The following GPC6 variants were observed in gnomAD, a reference collection of about 807,000 sequenced individuals.
The protein encoded by GPC6 is glypican-6.
A neutral mutation model predicts 55.2 loss-of-function variants in GPC6; 14 were observed. The observed-to-expected ratio is 0.25, with a 90% CI of 0.17 to 0.40. The LOEUF (loss-of-function observed/expected upper bound fraction) is 0.40, where lower values mean the gene tolerates loss of function less well. Ranked by LOEUF, GPC6 falls within the 10% of genes least tolerant of loss-of-function variation. The pLI is 1.00. For missense variants in GPC6, 641 were observed against 708.5 expected (o/e 0.90, Z 1.08); for synonymous variants, 278 against 259.6 (o/e 1.07, Z -0.68).
chr13:93,734,381 C>T (rs1351948310), intron 2 of GPC6, among the ~76,000 whole-genome samples: 1 of 152,164 alleles, frequency 6.6e-6, no homozygotes. Context: ...CCACAGTAGA[C>T]ATGGTAGAAC....
chr13:93,644,716 G>T (rs1289492517), intron 2 of GPC6, among the ~76,000 whole-genome samples: 3 of 151,404 alleles, frequency 2.0e-5, no homozygotes, highest in African/African-American at 4.9e-5. Context: ...GGTGACTTAG[G>T]TTCTTTTTAC....
intron 3 of GPC6, among the ~76,000 whole-genome samples, chr13:93,935,707 C>T (rs1274327990): frequency 3.3e-5 from 5 of 152,156 alleles, no homozygotes; most frequent in Admixed American, 3.3e-4. Context: ...CTGAGGCAGA[C>T]TGTGAAGCAG....
chr13:93,434,345 C>T (rs1237677753), intron 1 of GPC6, among the ~76,000 whole-genome samples: 1 of 151,980 alleles, frequency 6.6e-6, no homozygotes, highest in Non-Finnish European at 1.5e-5. Flanking sequence ...TTGAGAGAAC[C>T]CAGATGATAA....
chr13:94,400,348 G>C (rs935822255), intron 8 of GPC6, among the ~76,000 whole-genome samples: 12 of 152,058 alleles, frequency 7.9e-5, no homozygotes, highest in Non-Finnish European at 1.8e-4. Flanking sequence ...AAAATCTCCT[G>C]TCATATTTGC....
chr13:93,838,415 T>A (rs1594508103), intron 3 of GPC6, among the ~76,000 whole-genome samples: 2 of 152,298 alleles, frequency 1.3e-5, no homozygotes, highest in Admixed American at 1.3e-4. Context: ...GGTATGGCTT[T>A]CTTGCCAAGG....
In GPC6 at chr13:94,385,620, T is replaced by A. The variant is rs564123930; in HGVS notation, c.1289+3070T>A. 6.0e-4 allele frequency among the ~76,000 whole-genome samples: 90 copies of A among 151,132 alleles called. No individual in the cohort carries two copies. The Middle Eastern group carries it at 0.01, about 17-fold the overall frequency. On this transcript the variant is annotated intron_variant, in intron 7 of 8. Transcript: ENST00000377047. ...CCATTGAACAATTACAATTCCATGG[T>A]TTCCTTTAGTTCTTTTTTTTAATTA...
At chr13:94,285,087 G>C (rs1456191913) in intron 4 of GPC6, among the ~76,000 whole-genome samples, 1 of 152,090 alleles carries the variant, frequency 6.6e-6, no homozygotes, top group Non-Finnish European at 1.5e-5. Flanking sequence ...AGCATATTCT[G>C]ACTGGTGATC....
At chr13:93,596,605 A>AT (rs1491575561) in intron 2 of GPC6, among the ~76,000 whole-genome samples, 217 of 52,290 alleles carry the variant, frequency 4.1e-3, no homozygotes, top group African/African-American at 0.019. Context: ...ATAAATAAAT[A>AT]AATAAATATA....
At chr13:93,391,783 T>A (rs939652679) in intron 1 of GPC6, among the ~76,000 whole-genome samples, 3 of 152,166 alleles carry the variant, frequency 2.0e-5, no homozygotes, top group African/African-American at 7.2e-5. Context: ...TGCTACAAGA[T>A]AGCATGTTTC....
At chr13:93,366,848 A>G (rs982409319) in intron 1 of GPC6, among the ~76,000 whole-genome samples, 1 of 152,060 alleles carries the variant, frequency 6.6e-6, no homozygotes, top group African/African-American at 2.4e-5. Flanking sequence ...TTTATTTGTA[A>G]TAAAATCAGG....
intron 2 of GPC6, among the ~76,000 whole-genome samples, chr13:93,778,549 G>A (rs1275705194): frequency 6.6e-6 from 1 of 152,180 alleles, no homozygotes; most frequent in Non-Finnish European, 1.5e-5. Context: ...TTTTGAGGTT[G>A]AGGTGACATC....
chr13:93,925,914 C>G (rs1234905265), intron 3 of GPC6, among the ~76,000 whole-genome samples: 1 of 152,202 alleles, frequency 6.6e-6, no homozygotes, highest in Non-Finnish European at 1.5e-5. Flanking sequence ...CATGTTTGTC[C>G]TCTCGGCTGT....
chr13:94,190,090 A>C (rs941471887), intron 4 of GPC6, among the ~76,000 whole-genome samples: 2 of 151,742 alleles, frequency 1.3e-5, no homozygotes, highest in African/African-American at 4.8e-5. Flanking sequence ...TTGGGAGGCC[A>C]AGGGGGGCAG....
chr13:93,976,597 G>T (rs1447546513), intron 3 of GPC6, among the ~76,000 whole-genome samples: 1 of 150,994 alleles, frequency 6.6e-6, no homozygotes, highest in African/African-American at 2.4e-5. Flanking sequence ...GCAGTCACTT[G>T]TCTGGGACAA....
At chr13:94,315,452 C>G (rs146847075) in intron 6 of GPC6, among the ~76,000 whole-genome samples, 1 of 152,290 alleles carries the variant, frequency 6.6e-6, no homozygotes, top group Non-Finnish European at 1.5e-5. Context: ...TCACCTGTCA[C>G]AATGGCAGGG....
intron 5 of GPC6, among the ~76,000 whole-genome samples, chr13:94,300,229 T>C (rs919811248): frequency 5.9e-5 from 9 of 152,090 alleles, no homozygotes; most frequent in African/African-American, 1.7e-4. Flanking sequence ...GTAGTGACTT[T>C]TTAAATGTAT....
intron 1 of GPC6, among the ~76,000 whole-genome samples, chr13:93,445,372 C>A (rs1425638496): frequency 1.3e-5 from 2 of 152,128 alleles, no homozygotes; most frequent in African/African-American, 4.8e-5. Flanking sequence ...AGTCAGGGCT[C>A]TTAAGCATCA....
At chr13:93,219,301 C>T in the GPC6 span, among the ~76,000 whole-genome samples, 1 of 152,072 alleles carries the variant, frequency 6.6e-6, no homozygotes, top group East Asian at 1.9e-4. Context: ...ACCATGTTGG[C>T]CAGGCTGGTC....
At chr13:93,908,945 C>T (rs557255117) in intron 3 of GPC6, among the ~76,000 whole-genome samples, 2 of 152,194 alleles carry the variant, frequency 1.3e-5, no homozygotes, top group South Asian at 4.2e-4. Flanking sequence ...ATAGATTACC[C>T]ACTCCCTTCT....
Sources: gnomAD v4.1 joint callset for allele counts (sites outside exome capture counted in the v4.1 genomes callset) on GRCh38, gnomAD v4.1.1 for gene constraint, MANE v1.5 for transcripts, NCBI Gene and HGNC (gene_info 2026-07-23, HGNC 2026-07-21) for gene names.